ZKSCAN8: variants seen among roughly 807,000 people sequenced by gnomAD.
ZKSCAN8 encodes the protein zinc finger protein with KRAB and SCAN domains 8.
A neutral mutation model predicts 57.2 loss-of-function variants in ZKSCAN8; 27 were observed. That is an observed-to-expected ratio of 0.47 (90% CI 0.35 to 0.65). ZKSCAN8 has a LOEUF of 0.65. ZKSCAN8 is among the 30% of genes least tolerant of loss of function. The pLI is 0.01. For synonymous variants in ZKSCAN8, 214 were observed against 248.7 expected (o/e 0.86, Z 1.31); for missense variants, 597 against 696.3 (o/e 0.86, Z 1.60).
At chr6:28,153,007 A>G in intron 5 of ZKSCAN8, 49 bp from the exon 6 acceptor site, 1 of 1,594,970 alleles carries the variant, frequency 6.3e-7, no homozygotes, top group Non-Finnish European at 8.5e-7. Flanking sequence ...AGCATAAAGA[A>G]TAGGTTGTGA....
At chr6:28,141,699 C>G (rs982466359), upstream of ZKSCAN8, among the ~76,000 whole-genome samples, 3 of 152,262 alleles carry the variant, frequency 2.0e-5, no homozygotes, top group African/African-American at 7.2e-5. Context: ...AGCACGTTCA[C>G]TGCCCCAGCG....
Position 28,152,268 on chromosome 6 carries a change from A to G in ZKSCAN8, c.659A>G (p.Glu220Gly). Reference sequence around the variant, plus strand: ...GATCTTGTTTTGTTTCAGACTTTGGAGAAGATTGAAGACATGGCTGTGTCC... The same window carrying G: ...GATCTTGTTTTGTTTCAGACTTTGGGGAAGATTGAAGACATGGCTGTGTCC... ...TLLTAGFQTL[E>G]KIEDMAVSLI... Residue 220 changes from glutamate to glycine, a missense_variant, in exon 5 of 6, where the codon GAG becomes GGG. Physicochemically the swap from Glu to Gly is moderately conservative, Grantham distance 98 (BLOSUM62 -2). Transcript: ENST00000330236. 6.2e-7 allele frequency: 1 copy of G among 1,607,874 alleles called. No homozygotes were observed. Among genetic ancestry groups the G allele is most frequent in the Non-Finnish European group, 8.5e-7 (1 of 1,178,026 alleles).
intron 3 of ZKSCAN8, among the ~76,000 whole-genome samples, chr6:28,150,870 G>A (rs1306026920): frequency 3.3e-5 from 5 of 152,070 alleles, no homozygotes; most frequent in South Asian, 4.1e-4. Flanking sequence ...ACAGTGGCAC[G>A]ATCTCAGCTC....
chr6:28,152,747 C>T (rs1342001426), intron 5 of ZKSCAN8, among the ~76,000 whole-genome samples: 1 of 152,122 alleles, frequency 6.6e-6, no homozygotes, highest in Admixed American at 6.5e-5. Context: ...CATTTCTGTC[C>T]TGCTCATTAG....
chr6:28,155,011 C>G lies in ZKSCAN8; in HGVS notation c.*994C>G, dbSNP rs998901351. 5 of 152,724 alleles carry G rather than the reference C, an allele frequency of 3.3e-5. No individual in the cohort carries two copies. In the South Asian group the frequency reaches 8.3e-4, roughly 25 times the overall value. 9.5% of individuals were successfully genotyped at this position (152,724 alleles called of 1,614,324 possible). ...TTGGCCCATTACAATACTGCTTTCT[C>G]AGGTTCTTAACAGCCTGTGCAAACT... On this transcript the variant is annotated 3_prime_UTR_variant, in exon 6 of 6. Transcript: ENST00000330236.
At position 28,154,179 on chromosome 6, in the gene ZKSCAN8, A is replaced by G. The variant is rs1292676906; in HGVS notation, c.*162A>G. On this transcript the variant is annotated 3_prime_UTR_variant, in exon 6 of 6. Transcript: ENST00000330236. ...GATAGCTCTTTAGTAATTTGGGCCCAGTGCCTTGGTGAAGGTTGATTAGCT... is the reference window on the plus strand; with the variant it reads ...GATAGCTCTTTAGTAATTTGGGCCCGGTGCCTTGGTGAAGGTTGATTAGCT... 5.8e-6 allele frequency: 6 copies of G among 1,036,778 alleles called. No homozygotes were observed. The allele number at this position is 1,036,778 out of a possible 1,614,324, so 64.2% of individuals were successfully genotyped here. A position where few individuals can be genotyped will look rare whatever the true frequency, so the allele number is the denominator to read the frequency against.
At position 28,155,485 on chromosome 6, in the gene ZKSCAN8, A is replaced by C. The variant is rs533208388; in HGVS notation, c.*1468A>C. The stretch of plus-strand genomic sequence containing the variant: ...TCCCATTTAATAAACCATATGAGAA[A>C]ACCCTCTATTACTCTTACACTTTAG... On this transcript the variant is annotated 3_prime_UTR_variant, in exon 6 of 6. Coordinates refer to ENST00000330236, the MANE Select transcript of ZKSCAN8 (RefSeq NM_006298.4). 1.3e-5 allele frequency: 2 copies of C among 152,190 alleles called. No individual in the cohort carries two copies. Among genetic ancestry groups the C allele is most frequent in the Non-Finnish European group, 2.9e-5 (2 of 68,032 alleles). 9.4% of individuals were successfully genotyped at this position (152,190 alleles called of 1,614,324 possible). A position where few individuals can be genotyped will look rare whatever the true frequency, so the allele number is the denominator to read the frequency against.
rs996835497 is a variant in ZKSCAN8, at chr6:28,155,928, A to G, written c.*1911A>G. On this transcript the variant is annotated 3_prime_UTR_variant, in exon 6 of 6. Transcript: ENST00000330236. ...CCTTTCGATTATCCTTTATTTTCTT[A>G]TCCTCCCTTCTCTTGTTTCTTTTAT... 3.1e-5 allele frequency: 12 copies of G among 387,070 alleles called. No homozygotes were observed. Among genetic ancestry groups the G allele is most frequent in the Non-Finnish European group, 5.5e-5 (12 of 219,114 alleles). 24.0% of individuals were successfully genotyped at this position (387,070 alleles called of 1,614,324 possible). A position where few individuals can be genotyped will look rare whatever the true frequency, so the allele number is the denominator to read the frequency against.
intron 4 of ZKSCAN8, 31 bp downstream of exon 4, chr6:28,151,967 A>G (rs1765605968): frequency 3.7e-6 from 6 of 1,603,522 alleles, no homozygotes; most frequent in Non-Finnish European, 5.1e-6. Flanking sequence ...CTGAAACGCC[A>G]TAGCTGTGCT....
chr6:28,146,946 G>A (rs1360240650), intron 1 of ZKSCAN8, among the ~76,000 whole-genome samples: 1 of 152,026 alleles, frequency 6.6e-6, no homozygotes, highest in Non-Finnish European at 1.5e-5. Flanking sequence ...AGGCCTAAAT[G>A]TAAAACCTAA....
At position 28,154,197 on chromosome 6, in the gene ZKSCAN8, G is replaced by A. The variant is rs878913797; in HGVS notation, c.*180G>A. On this transcript the variant is annotated 3_prime_UTR_variant, in exon 6 of 6. Coordinates refer to ENST00000330236, the MANE Select transcript of ZKSCAN8 (RefSeq NM_006298.4). ...TGGGCCCAGTGCCTTGGTGAAGGTT[G>A]ATTAGCTTGACTGTCTTTGAAAGTA... 2 of 783,652 alleles carry A rather than the reference G, an allele frequency of 2.6e-6. No homozygotes were observed. Among genetic ancestry groups the A allele is most frequent in the Non-Finnish European group, 3.9e-6 (2 of 514,648 alleles). The allele number at this position is 783,652 out of a possible 1,614,324, so 48.5% of individuals were successfully genotyped here.
chr6:28,155,740 G>A lies in ZKSCAN8; in HGVS notation c.*1723G>A, dbSNP rs1315393756. 1 of 162,720 alleles carries A rather than the reference G, an allele frequency of 6.1e-6. No homozygotes were observed. Among genetic ancestry groups the A allele is most frequent in the Non-Finnish European group, 1.3e-5 (1 of 75,422 alleles). The allele number at this position is 162,720 out of a possible 1,614,324, so 10.1% of individuals were successfully genotyped here. On this transcript the variant is annotated 3_prime_UTR_variant, in exon 6 of 6. Coordinates refer to ENST00000330236, the MANE Select transcript of ZKSCAN8 (RefSeq NM_006298.4). ...AAAGCAATCAAAGTCTTACGTCATA[G>A]AGGACCACCTTTTGGATCATAAATT...
Position 28,151,825 on chromosome 6 carries a change from T to C in ZKSCAN8, c.560-20T>C. On this transcript the variant is annotated intron_variant, in intron 3 of 5. Transcript: ENST00000330236. ...CACAGGACAGGACTGGTCTCATTCA[T>C]AGCTCCTTTCTCCTCTCAGCCATGT... 2.5e-6 allele frequency: 4 copies of C among 1,605,950 alleles called. No homozygotes were observed. Among genetic ancestry groups the C allele is most frequent in the Non-Finnish European group, 3.4e-6 (4 of 1,172,574 alleles).
chr6:28,152,570 T>A (rs17712613), intron 5 of ZKSCAN8, among the ~76,000 whole-genome samples, 186 bp downstream of exon 5: 34,827 of 152,082 alleles, frequency 0.23, 4,102 homozygotes, highest in African/African-American at 0.28. Context: ...AGAACTTCCT[T>A]ACATTTTGTA....
At position 28,153,884 on chromosome 6, in the gene ZKSCAN8, A is replaced by G; in HGVS notation, c.1604A>G (p.Gln535Arg). The G allele has an allele frequency of 1.9e-6, 3 of 1,613,594 alleles. No homozygotes were observed. The highest frequency in any genetic ancestry group is 2.5e-6 in the Non-Finnish European group (3 of 1,179,860). Residue 535 changes from glutamine to arginine, a missense_variant, in exon 6 of 6, where the codon CAA becomes CGA. Coordinates refer to ENST00000330236, the MANE Select transcript of ZKSCAN8 (RefSeq NM_006298.4). ...TTCAATGGGAACACTGGTCTCATTC[A>G]ACACCTGAGAATTCACACAGGGGAG... ...KAFNGNTGLI[Q>R]HLRIHTGEKP...
rs1456449520 is a variant in ZKSCAN8 at position 28,148,573 on chromosome 6, C to T, written c.166C>T (p.Gln56Ter). The change falls in exon 2 of 6, where the codon CAG becomes TAG. Residue 56 changes from glutamine (Q) to a stop codon, truncating the protein, a stop_gained. Coordinates refer to ENST00000330236, the MANE Select transcript of ZKSCAN8 (RefSeq NM_006298.4). LOFTEE classifies it high-confidence loss of function. Reference sequence around the variant, plus strand: ...AGAAGTGTTCCGCCTGCGCTTCAGGCAGTTACGCTACCAGGAGACACTAGG... The same window carrying T: ...AGAAGTGTTCCGCCTGCGCTTCAGGTAGTTACGCTACCAGGAGACACTAGG... ...GQEVFRLRFR[Q>*]LRYQETLGPR... 5 of 1,613,998 alleles carry T rather than the reference C, an allele frequency of 3.1e-6. No individual in the cohort carries two copies. Among genetic ancestry groups the T allele is most frequent in the Non-Finnish European group, 4.2e-6 (5 of 1,180,024 alleles).
intron 3 of ZKSCAN8, among the ~76,000 whole-genome samples, chr6:28,151,165 C>G (rs1264025526): frequency 6.6e-6 from 1 of 152,166 alleles, no homozygotes; most frequent in South Asian, 2.1e-4. Context: ...TTCAGTCTGG[C>G]TCTTGTATCC....
intron 1 of ZKSCAN8, 94 bp downstream of exon 1, chr6:28,142,123 G>T (rs1252901901): frequency 1.3e-5 from 2 of 152,286 alleles, no homozygotes; most frequent in Admixed American, 6.5e-5. Flanking sequence ...TCCGGAGAGG[G>T]GCCTGTGCGG....
chr6:28,151,966 C>T (rs1230974230), intron 4 of ZKSCAN8, 30 bp downstream of exon 4: 11 of 1,603,256 alleles, frequency 6.9e-6, no homozygotes, highest in Admixed American at 1.7e-5. Context: ...ACTGAAACGC[C>T]ATAGCTGTGC....
Sources: allele counts gnomAD v4.1 joint callset (sites outside exome capture counted in the v4.1 genomes callset), GRCh38; gene constraint gnomAD v4.1.1; transcripts MANE v1.5; gene names NCBI Gene and HGNC (gene_info 2026-07-23, HGNC 2026-07-21).